Variants in SYNE2 observed in about 807,000 individuals in gnomAD.
SYNE2 encodes the protein nesprin-2.
A neutral mutation model predicts 856.3 loss-of-function variants in SYNE2; 431 were observed. That is an observed-to-expected ratio of 0.50 (90% confidence interval 0.47 to 0.55). The LOEUF (loss-of-function observed/expected upper bound fraction) is 0.55, where lower values mean the gene tolerates loss of function less well. Among genes scored for constraint, SYNE2 ranks in the 20% least tolerant of loss-of-function variants. The probability of loss-of-function intolerance (pLI) is 0.00; values close to 1 mark genes in which losing one functional copy is unlikely to be tolerated. For missense variants in SYNE2, 8,129 were observed against 8,023.2 expected (o/e 1.01, Z -0.50); for synonymous variants, 2,923 against 2,872.3 (o/e 1.02, Z -0.56).
At position 64,051,980 on chromosome 14, in the gene SYNE2, G is replaced by C. The variant is rs745668773; in HGVS notation, c.8067G>C (p.Gln2689His). Residue 2689 changes from glutamine to histidine, a missense_variant, in exon 48 of 116, where the codon CAG becomes CAC. Gln to His is a conservative substitution (Grantham distance 24). Transcript: ENST00000555002. Reference protein sequence around the residue: ...FSVLKGQAELQMKRIWGEKEK... With the variant: ...FSVLKGQAELHMKRIWGEKEK... ...TTTTAAAGGGGCAAGCTGAACTTCA[G>C]ATGAAGAGGATTTGGGGAGAAAAAG... 6.2e-7 allele frequency: 1 copy of C among 1,613,880 alleles called. No homozygotes were observed. The highest frequency in any genetic ancestry group is 1.3e-5 in the African/African-American group (1 of 74,924).
chr14:64,008,681 G>A (rs2096820006), intron 31 of SYNE2, among the ~76,000 whole-genome samples: 1 of 152,144 alleles, frequency 6.6e-6, no homozygotes, highest in Admixed American at 6.6e-5. Flanking sequence ...GGGGAGTGGT[G>A]GAATGGGTTA....
At chr14:64,188,033 T>G (rs2098500573) in intron 97 of SYNE2, among the ~76,000 whole-genome samples, 1 of 152,218 alleles carries the variant, frequency 6.6e-6, no homozygotes, top group Admixed American at 6.5e-5. Context: ...AAATGAGTGA[T>G]GTACATTGTT....
chr14:64,047,173 A>C (rs968949569), intron 45 of SYNE2, among the ~76,000 whole-genome samples: 3 of 152,158 alleles, frequency 2.0e-5, no homozygotes, highest in Non-Finnish European at 4.4e-5. Context: ...AATGGCTCTC[A>C]GTGGAGAGGG....
intron 1 of SYNE2, among the ~76,000 whole-genome samples, chr14:63,793,592 G>A (rs1388758595): frequency 1.3e-5 from 2 of 152,108 alleles, no homozygotes; most frequent in Non-Finnish European, 2.9e-5. Context: ...AGACTTCATT[G>A]AGTTTTTTAG....
intron 18 of SYNE2, among the ~76,000 whole-genome samples, chr14:63,985,481 T>C (rs931423041): frequency 1.3e-5 from 2 of 152,194 alleles, no homozygotes; most frequent in African/African-American, 4.8e-5. Context: ...GATTTAATTT[T>C]GTTGAAATTT....
intron 1 of SYNE2, among the ~76,000 whole-genome samples, chr14:63,762,307 T>C (rs534378604): frequency 6.6e-5 from 10 of 152,044 alleles, no homozygotes; most frequent in Non-Finnish European, 1.0e-4. Flanking sequence ...TGGTGGTACA[T>C]GCCTGTAATC....
At chr14:63,943,307 T>C (rs1174071010) in intron 6 of SYNE2, among the ~76,000 whole-genome samples, 1 of 152,232 alleles carries the variant, frequency 6.6e-6, no homozygotes, top group Non-Finnish European at 1.5e-5. Flanking sequence ...TTATAAAACA[T>C]ATGATTGATA....
At chr14:63,764,272 G>A (rs1403995448) in intron 1 of SYNE2, among the ~76,000 whole-genome samples, 4 of 152,196 alleles carry the variant, frequency 2.6e-5, no homozygotes, top group Non-Finnish European at 4.4e-5. Flanking sequence ...GTTTGTATCC[G>A]TGAAAGTCCA....
intron 8 of SYNE2, 23 bp from the exon 9 acceptor site, chr14:63,961,502 T>G (rs367805983): frequency 5.4e-5 from 85 of 1,575,092 alleles, no homozygotes; most frequent in Non-Finnish European, 7.0e-5. Flanking sequence ...AACAGCTAAT[T>G]GATAGTGTGG....
Position 64,027,799 on chromosome 14 carries a change from G to T in SYNE2, c.6714+6G>T, listed in dbSNP as rs191541575. 474 of 1,611,846 alleles carry T rather than the reference G, an allele frequency of 2.9e-4. 3 individuals are homozygous for T. In the Middle Eastern group the frequency reaches 4.8e-3, roughly 16 times the overall value. On this transcript the variant is annotated splice_donor_region_variant and intron_variant, in intron 43 of 115. Coordinates refer to ENST00000555002, the MANE Select transcript of SYNE2 (RefSeq NM_182914.3). Reference sequence around the variant, plus strand: ...GTCTTCTTCAACAACTGCAGGTGAGGTGGTCAAAATAATGCTTTAAATGAT... The same window carrying T: ...GTCTTCTTCAACAACTGCAGGTGAGTTGGTCAAAATAATGCTTTAAATGAT...
At chr14:64,190,267 C>T in intron 99 of SYNE2, 30 bp downstream of exon 99, 3 of 1,612,874 alleles carry the variant, frequency 1.9e-6, no homozygotes, top group Non-Finnish European at 1.7e-6. Context: ...TGATTACTCT[C>T]CAGGAACAGT....
At chr14:63,993,766 G>T in intron 21 of SYNE2, 69 bp from the exon 22 acceptor site, 1 of 1,428,218 alleles carries the variant, frequency 7.0e-7, no homozygotes, top group South Asian at 1.2e-5. Flanking sequence ...AATTAGCTTA[G>T]AGGATTTTGA....
intron 73 of SYNE2, among the ~76,000 whole-genome samples, chr14:64,128,060 T>G (rs576597825): frequency 6.6e-4 from 100 of 152,336 alleles, no homozygotes; most frequent in Middle Eastern, 3.4e-3. Flanking sequence ...TAGGGATATG[T>G]GAATTCTGTC....
chr14:63,933,073 A>C (rs1243885853), intron 2 of SYNE2, among the ~76,000 whole-genome samples: 1 of 152,254 alleles, frequency 6.6e-6, no homozygotes, highest in Non-Finnish European at 1.5e-5. Flanking sequence ...GGCCACATGC[A>C]GTAAACCTGT....
intron 1 of SYNE2, among the ~76,000 whole-genome samples, chr14:63,778,312 C>A (rs1230599209): frequency 6.6e-6 from 1 of 152,130 alleles, no homozygotes; most frequent in Non-Finnish European, 1.5e-5. Flanking sequence ...CCCAGCCATG[C>A]AGAACCGTGA....
intron 111 of SYNE2, 130 bp from the exon 112 acceptor site, chr14:64,221,446 C>A: frequency 1.3e-6 from 2 of 1,544,986 alleles, no homozygotes; most frequent in Non-Finnish European, 8.9e-7. Flanking sequence ...TAAAGCTGGT[C>A]CTCGTATTCA....
Position 64,219,405 on chromosome 14 carries a change from C to T in SYNE2, c.19855C>T (p.Leu6619=), listed in dbSNP as rs1194477623. The change falls in exon 110 of 116, where the codon CTG becomes TTG. Residue 6619 remains leucine, a synonymous_variant. Transcript: ENST00000555002. The part of the protein sequence containing the change: ...IQEIELRVKR[L]QEILKAFDTY... ...GGAAATAGAACTGAGAGTGAAGAGA[C>T]TGCAGGTGAGTTAGAGGTGTGGTGG... The T allele has an allele frequency of 2.5e-6, 4 of 1,613,856 alleles. No homozygotes were observed. The highest frequency in any genetic ancestry group is 3.4e-6 in the Non-Finnish European group (4 of 1,179,986).
chr14:64,193,851 A>C (rs2098529131), intron 99 of SYNE2, among the ~76,000 whole-genome samples: 1 of 152,220 alleles, frequency 6.6e-6, no homozygotes, highest in Non-Finnish European at 1.5e-5. Flanking sequence ...TGAATTCTTA[A>C]AACAACACTG....
intron 1 of SYNE2, among the ~76,000 whole-genome samples, chr14:63,817,433 C>T (rs928678350): frequency 1.2e-4 from 19 of 152,104 alleles, no homozygotes; most frequent in African/African-American, 4.3e-4. Flanking sequence ...CTCCACTGTA[C>T]TCCAGCCTGG....
Sources: gnomAD v4.1 joint callset for allele counts (sites outside exome capture counted in the v4.1 genomes callset) on GRCh38, gnomAD v4.1.1 for gene constraint, MANE v1.5 for transcripts, NCBI Gene and HGNC (gene_info 2026-07-23, HGNC 2026-07-21) for gene names.